Variants in ATP2C1 observed in about 807,000 individuals in gnomAD.
The protein encoded by ATP2C1 is ATPase secretory pathway Ca2+ transporting 1, also known as calcium-transporting ATPase type 2C member 1.
ATP2C1 carries 31 observed loss-of-function variants against 120.5 expected under a neutral mutation model. The ratio of observed to expected loss-of-function variants is 0.26; its 90% CI spans 0.19 to 0.35. The LOEUF is 0.35. Among genes scored for constraint, ATP2C1 ranks in the 10% least tolerant of loss-of-function variants. The pLI is 1.00. For missense variants in ATP2C1, 731 were observed against 1,107.5 expected (o/e 0.66, Z 4.83); for synonymous variants, 351 against 358.7 (o/e 0.98, Z 0.24).
At chr3:130,883,101 A>C (rs2068838775) in intron 1 of ATP2C1, among the ~76,000 whole-genome samples, 1 of 152,140 alleles carries the variant, frequency 6.6e-6, no homozygotes, top group South Asian at 2.1e-4. Context: ...GAATTTACCC[A>C]TTTCTTCTAA....
intron 2 of ATP2C1, among the ~76,000 whole-genome samples, chr3:130,895,199 A>G (rs560980230): frequency 1.6e-4 from 25 of 152,362 alleles, no homozygotes; most frequent in African/African-American, 5.8e-4. Flanking sequence ...TTCATTTATA[A>G]GAAAGCAAGC....
At chr3:130,965,839 C>T (rs574344494) in intron 14 of ATP2C1, among the ~76,000 whole-genome samples, 6 of 152,016 alleles carry the variant, frequency 3.9e-5, no homozygotes, top group Non-Finnish European at 7.4e-5. Flanking sequence ...CCCTTTTCCC[C>T]ATTATAAGAG....
chr3:130,942,500 C>A (rs1195306846), intron 8 of ATP2C1, among the ~76,000 whole-genome samples: 1 of 152,168 alleles, frequency 6.6e-6, no homozygotes, highest in Non-Finnish European at 1.5e-5. Flanking sequence ...TTTGTTAACA[C>A]CTGCAGAGCA....
chr3:130,992,837 G>A, intron 20 of ATP2C1, 114 bp from the exon 21 acceptor site: 1 of 817,874 alleles, frequency 1.2e-6, no homozygotes, highest in South Asian at 1.4e-5. Flanking sequence ...GATCTCAGTG[G>A]CAAATTAAAT....
rs893160244 is a variant in ATP2C1 at position 130,927,690 on chromosome 3, C to T, written c.7-2726C>T. ...GAAACAGGCAACTGCTATATGACCACAGGGGACAGCCACCATCTGAGTCTC... is the reference window on the plus strand; with the variant it reads ...GAAACAGGCAACTGCTATATGACCATAGGGGACAGCCACCATCTGAGTCTC... On this transcript the variant is annotated intron_variant, in intron 2 of 27. Transcript: ENST00000510168. The T allele has an allele frequency of 4.6e-5, 7 of 152,274 alleles. No homozygotes were observed. The South Asian group carries it at 6.2e-4, about 14-fold the overall frequency. The allele number at this position is 152,274 out of a possible 1,614,324, so 9.4% of individuals were successfully genotyped here. A position where few individuals can be genotyped will look rare whatever the true frequency, so the allele number is the denominator to read the frequency against.
chr3:130,853,955 A>G lies in ATP2C1; in HGVS notation c.108+3027A>G, dbSNP rs995177994. ...CCCATACCCCTTTTCTGTGGTCCAA[A>G]TTATGATCATTGTTACACTCACCTT... On this transcript the variant is annotated intron_variant, in intron 1 of 26. Transcript: ENST00000504381. 2.6e-5 allele frequency among the ~76,000 whole-genome samples: 4 copies of G among 152,138 alleles called. No homozygotes were observed. In the East Asian group the frequency reaches 5.8e-4, roughly 22 times the overall value.
At chr3:130,920,116 T>G (rs915570400) in intron 2 of ATP2C1, among the ~76,000 whole-genome samples, 26 of 152,222 alleles carry the variant, frequency 1.7e-4, no homozygotes, top group African/African-American at 6.0e-4. Context: ...TTTGCAAATA[T>G]TTTCTCTCAT....
At chr3:130,873,832 C>G (rs775023644) in intron 1 of ATP2C1, among the ~76,000 whole-genome samples, 1 of 152,128 alleles carries the variant, frequency 6.6e-6, no homozygotes, top group Non-Finnish European at 1.5e-5. Context: ...AAAAATCTAG[C>G]CAGGCACCGT....
At chr3:130,893,900 C>T, upstream of ATP2C1, 1 of 984,044 alleles carries the variant, frequency 1.0e-6, no homozygotes, top group Non-Finnish European at 1.2e-6. Flanking sequence ...CCATTCCGGG[C>T]CGAAGTCTCG....
intron 1 of ATP2C1, among the ~76,000 whole-genome samples, chr3:130,870,632 T>G (rs1433573109): frequency 6.6e-6 from 1 of 152,224 alleles, no homozygotes; most frequent in Non-Finnish European, 1.5e-5. Flanking sequence ...ACTGAATTGC[T>G]GCAATTTCAT....
chr3:130,923,710 T>C (rs1172120483), intron 2 of ATP2C1, among the ~76,000 whole-genome samples: 1 of 150,808 alleles, frequency 6.6e-6, no homozygotes, highest in African/African-American at 2.4e-5. Flanking sequence ...TCTACTAAAA[T>C]ACAAAAATTA....
intron 2 of ATP2C1, among the ~76,000 whole-genome samples, chr3:130,895,912 T>G (rs2069588891): frequency 6.6e-6 from 1 of 152,226 alleles, no homozygotes; most frequent in Admixed American, 6.5e-5. Flanking sequence ...TCTGAAATAC[T>G]AAAGTGTATA....
At position 130,998,281 on chromosome 3, in the gene ATP2C1, T is replaced by G. The variant is rs1292600215; in HGVS notation, c.2392-13T>G. On this transcript the variant is annotated splice_polypyrimidine_tract_variant and intron_variant, in intron 25 of 27. Coordinates refer to ENST00000510168, the MANE Select transcript of ATP2C1 (RefSeq NM_001378687.1). Reference sequence around the variant, plus strand: ...AGCCACTGAAAAGTAATTTTGTTATTGCCTCTTGACAGCTACGAGACAATG... The same window carrying G: ...AGCCACTGAAAAGTAATTTTGTTATGGCCTCTTGACAGCTACGAGACAATG... 2 of 1,567,300 alleles carry G rather than the reference T, an allele frequency of 1.3e-6. No homozygotes were observed. The highest frequency in any genetic ancestry group is 1.8e-6 in the Non-Finnish European group (2 of 1,137,418).
At chr3:131,016,519 T>C in exon 27 of ATP2C1, 1 of 702,976 alleles carries the variant, frequency 1.4e-6, no homozygotes. Flanking sequence ...TACTGAACTG[T>C]CTTTTTAATG....
intron 20 of ATP2C1, among the ~76,000 whole-genome samples, chr3:130,986,899 TTTAGTTTAGTTTAGTTTAGTTTAG>T (rs1444095028): frequency 1.4e-4 from 5 of 36,546 alleles, no homozygotes; most frequent in Admixed American, 2.3e-4. Context: ...TTTAGTTTAG[TTTAGTTTAGTTTAGTTTAGTTTAG>T]TTAGTTTAGT....
chr3:130,916,620 A>G (rs949147385), intron 2 of ATP2C1, among the ~76,000 whole-genome samples: 2 of 152,084 alleles, frequency 1.3e-5, no homozygotes, highest in Admixed American at 1.3e-4. Context: ...GCGGGGAAAC[A>G]GCTGGTACCA....
intron 1 of ATP2C1, chr3:130,855,918 C>A (rs985974818): frequency 2.0e-5 from 3 of 152,206 alleles, no homozygotes; most frequent in Non-Finnish European, 2.9e-5. Context: ...CACAGGCCAG[C>A]TAATTTAATC....
chr3:130,895,809 C>A (rs645247), intron 2 of ATP2C1, among the ~76,000 whole-genome samples: 150,803 of 152,334 alleles, frequency 0.99, 74,642 homozygotes, highest in East Asian at 1. Flanking sequence ...GTGTTTTGCT[C>A]TCTGAGACCT....
In ATP2C1 at chr3:130,994,061, G is replaced by A. The variant is rs752060323; in HGVS notation, c.2020G>A (p.Asp674Asn). 6.2e-7 allele frequency: 1 copy of A among 1,614,118 alleles called. No individual in the cohort carries two copies. Among genetic ancestry groups the A allele is most frequent in the South Asian group, 1.1e-5 (1 of 91,086 alleles). Residue 674 changes from aspartate to asparagine, a missense_variant, in exon 22 of 28, where the codon GAC becomes AAC. Asp to Asn is a conservative substitution (Grantham distance 23). Transcript: ENST00000510168. ...TGTDVCKEAA[D>N]MILVDDDFQT... is the part of the protein sequence containing the mutation. ...TACAGATGTTTGCAAAGAGGCAGCAGACATGATCCTAGTGGATGATGATTT... is the reference window on the plus strand; with the variant it reads ...TACAGATGTTTGCAAAGAGGCAGCAAACATGATCCTAGTGGATGATGATTT...
Sources: allele counts gnomAD v4.1 joint callset (sites outside exome capture counted in the v4.1 genomes callset), GRCh38; gene constraint gnomAD v4.1.1; transcripts MANE v1.5; gene names NCBI Gene and HGNC (gene_info 2026-07-23, HGNC 2026-07-21).